The following BCLAF1 variants were observed in gnomAD, a reference collection of about 807,000 sequenced individuals.
BCLAF1 encodes bcl-2-associated transcription factor 1.
A neutral mutation model predicts 99.5 loss-of-function variants in BCLAF1; 10 were observed. The observed-to-expected ratio is 0.10, with a 90% CI of 0.06 to 0.17. The LOEUF is 0.17. Among genes scored for constraint, BCLAF1 ranks in the 10% least tolerant of loss-of-function variants. BCLAF1 has a pLI of 1.00. For missense variants in BCLAF1, 636 were observed against 1,105.8 expected (o/e 0.58, Z 6.02); for synonymous variants, 255 against 370.9 (o/e 0.69, Z 3.59).
chr6:136,286,439 G>A (rs577335077), intron 1 of BCLAF1, among the ~76,000 whole-genome samples: 12 of 152,234 alleles, frequency 7.9e-5, no homozygotes, highest in Middle Eastern at 3.4e-3. Context: ...GACTACTAAT[G>A]GTACTTCCTT....
intron 9 of BCLAF1, 200 bp from the exon 10 acceptor site, chr6:136,268,539 A>G (rs774036418): frequency 1.8e-6 from 1 of 545,770 alleles, no homozygotes; most frequent in Non-Finnish European, 3.2e-6. Flanking sequence ...ATAATGAAAA[A>G]CATGCTAGGG....
chr6:136,269,100 G>A, intron 9 of BCLAF1: 1 of 1,152,232 alleles, frequency 8.7e-7, no homozygotes, highest in South Asian at 1.9e-5. Context: ...GTTATGAGTT[G>A]AAAAAGTGCG....
At position 136,275,984 on chromosome 6, in the gene BCLAF1, G is replaced by T. The variant is rs547078576; in HGVS notation, c.1541C>A (p.Pro514His). 6.2e-7 allele frequency: 1 copy of T among 1,611,922 alleles called. No homozygotes were observed. The highest frequency in any genetic ancestry group is 1.1e-5 in the South Asian group (1 of 90,950). ...KLKDLFDYSP[P>H]LHKNLDAREK... ...TCGTGCATCCAGATTCTTGTGTAGA[G>T]GGGGACTGTAATCAAAGAGGTCTTT... The change falls in exon 5 of 13, where the codon CCT (proline) becomes CAT (histidine). Residue 514 changes from proline to histidine, a missense_variant. Transcript: ENST00000531224.
rs1783667919 is a variant in BCLAF1, at chr6:136,277,927, A to C, written c.954T>G (p.Arg318=). The C allele has an allele frequency of 1.3e-6, 2 of 1,570,618 alleles. No homozygotes were observed. Among genetic ancestry groups the C allele is most frequent in the South Asian group, 2.4e-5 (2 of 82,910 alleles). The stretch of plus-strand genomic sequence containing the variant: ...CTCCACCATCAGGATAAAACGAGGA[A>C]CGGCCCCTAGACTCATCTCTTGGAG... ...QNAPRDESRG[R]SSFYPDGGDQ... Residue 318 remains arginine (R), a synonymous_variant, in exon 4 of 13, where the codon CGT becomes CGG. Coordinates refer to ENST00000531224, the MANE Select transcript of BCLAF1 (RefSeq NM_014739.3).
rs535315450 is a variant in BCLAF1 at position 136,257,717 on chromosome 6, A to G, written c.*3393T>C. On this transcript the variant is annotated 3_prime_UTR_variant, in exon 13 of 13. Coordinates refer to ENST00000531224, the MANE Select transcript of BCLAF1 (RefSeq NM_014739.3). Reference sequence around the variant, plus strand: ...GATTGAGTCTAGCCAAATTAATCCCAATGACAATGAAGTTTATTCCTCCAT... The same window carrying G: ...GATTGAGTCTAGCCAAATTAATCCCGATGACAATGAAGTTTATTCCTCCAT... 6.6e-6 allele frequency: 1 copy of G among 152,206 alleles called. No individual in the cohort carries two copies. The highest frequency in any genetic ancestry group is 2.1e-4 in the South Asian group (1 of 4,824). 9.4% of individuals were successfully genotyped at this position (152,206 alleles called of 1,614,324 possible).
chr6:136,273,908 A>G lies in BCLAF1; in HGVS notation c.1853-721T>C, dbSNP rs1269392767. ...AAAGTCATGAGCTATGAAATGTCAC[A>G]TTATGAAGCAAGCTATCTGCTTAAC... On this transcript the variant is annotated intron_variant, in intron 6 of 12. Coordinates refer to ENST00000531224, the MANE Select transcript of BCLAF1 (RefSeq NM_014739.3). 1.6e-5 allele frequency: 17 copies of G among 1,037,138 alleles called. 1 individual carries two copies. The highest frequency in any genetic ancestry group is 2.0e-5 in the Non-Finnish European group (16 of 820,466). The allele number at this position is 1,037,138 out of a possible 1,614,324, so 64.2% of individuals were successfully genotyped here. A position where few individuals can be genotyped will look rare whatever the true frequency, so the allele number is the denominator to read the frequency against.
chr6:136,278,873 A>T (rs1783959337), intron 3 of BCLAF1, 97 bp from the exon 4 acceptor site: 4 of 1,203,640 alleles, frequency 3.3e-6, no homozygotes, highest in Non-Finnish European at 4.4e-6. Context: ...TAAACAGTAA[A>T]GGCAAAAATA....
At chr6:136,276,608 A>G (rs1783450987) in intron 4 of BCLAF1, 100 bp from the exon 5 acceptor site, 2 of 1,370,062 alleles carry the variant, frequency 1.5e-6, no homozygotes, top group African/African-American at 2.9e-5. Flanking sequence ...GACCAGCAAG[A>G]GAGAAAATAA....
Position 136,256,757 on chromosome 6 carries a change from C to T in BCLAF1, c.*4353G>A, listed in dbSNP as rs1437599722. The T allele has an allele frequency of 1.3e-5, 2 of 153,268 alleles. No homozygotes were observed. The highest frequency in any genetic ancestry group is 1.3e-4 in the Admixed American group (2 of 15,294). 9.5% of individuals were successfully genotyped at this position (153,268 alleles called of 1,614,324 possible). On this transcript the variant is annotated 3_prime_UTR_variant, in exon 13 of 13. Transcript: ENST00000531224. ...TTTTTCACGGCCACCTTACAAGTAT[C>T]CTGAGAACTCAACAGAAAGTTTAGT...
chr6:136,271,967 C>T (rs895884538), intron 8 of BCLAF1, 28 bp downstream of exon 8: 33 of 1,527,058 alleles, frequency 2.2e-5, no homozygotes, highest in African/African-American at 4.1e-5. Context: ...GAACTTAACA[C>T]GAAAAAAAAT....
At chr6:136,268,094 A>G (rs1300709670) in intron 10 of BCLAF1, 68 bp downstream of exon 10, 1 of 1,346,562 alleles carries the variant, frequency 7.4e-7, no homozygotes, top group Non-Finnish European at 9.9e-7. Context: ...CATGTATATG[A>G]CCTTCCTTAT....
Position 136,266,892 on chromosome 6 carries a change from G to C in BCLAF1, c.2544+137C>G, listed in dbSNP as rs74727210. ...CATTTTTCAAAATTTCAAATCGTCTGGGTAATTATTTTAAAAAAGGTTTCC... is the reference window on the plus strand; with the variant it reads ...CATTTTTCAAAATTTCAAATCGTCTCGGTAATTATTTTAAAAAAGGTTTCC... On this transcript the variant is annotated intron_variant, in intron 11 of 12. Coordinates refer to ENST00000531224, the MANE Select transcript of BCLAF1 (RefSeq NM_014739.3). The C allele has an allele frequency of 6.6e-4, 746 of 1,129,660 alleles. 2 individuals are homozygous for C. In the African/African-American group the frequency reaches 0.011, roughly 16 times the overall value. 70.0% of individuals were successfully genotyped at this position (1,129,660 alleles called of 1,614,324 possible).
At chr6:136,265,917 C>A (rs939077251) in intron 11 of BCLAF1, among the ~76,000 whole-genome samples, 5 of 152,108 alleles carry the variant, frequency 3.3e-5, no homozygotes, top group Non-Finnish European at 5.9e-5. Context: ...TACATAAATT[C>A]TTGAACCAAG....
chr6:136,278,926 C>T, intron 3 of BCLAF1, 150 bp from the exon 4 acceptor site: 1 of 776,354 alleles, frequency 1.3e-6, no homozygotes, highest in Non-Finnish European at 1.9e-6. Flanking sequence ...TAATGGTTTC[C>T]AATCAAAAAG....
Position 136,275,599 on chromosome 6 carries a change from T to G in BCLAF1, c.1785A>C (p.Pro595=). The G allele has an allele frequency of 6.3e-7, 1 of 1,595,470 alleles. No homozygotes were observed. Residue 595 remains proline, a synonymous_variant, in exon 6 of 13, where the codon CCA becomes CCC. Transcript: ENST00000531224. ...FRSIFDHIKL[P]QASKSTSESF... Reference sequence around the variant, plus strand: ...ACTCTGAAGTGCTTTTGCTGGCCTGTGGCAACTTAATGTGGTCAAAGATGG... The same window carrying G: ...ACTCTGAAGTGCTTTTGCTGGCCTGGGGCAACTTAATGTGGTCAAAGATGG...
intron 8 of BCLAF1, 137 bp downstream of exon 8, chr6:136,271,858 T>C (rs183460818): frequency 7.1e-5 from 45 of 629,670 alleles, no homozygotes; most frequent in African/African-American, 6.3e-4. Flanking sequence ...AGAAACAGTA[T>C]GTACACTACC....
At chr6:136,267,251 C>A in intron 10 of BCLAF1, 76 bp from the exon 11 acceptor site, 2 of 1,475,376 alleles carry the variant, frequency 1.4e-6, no homozygotes, top group South Asian at 1.2e-5. Flanking sequence ...AATTTTACTG[C>A]AGTAACAAAA....
chr6:136,275,470 C>T (rs1783152721), intron 6 of BCLAF1, 62 bp downstream of exon 6: 1 of 1,399,798 alleles, frequency 7.1e-7, no homozygotes, highest in Non-Finnish European at 9.5e-7. Flanking sequence ...AGCATAATTA[C>T]ACATTTTTTT....
chr6:136,270,839 G>A (rs1216769420), intron 8 of BCLAF1, among the ~76,000 whole-genome samples: 2 of 151,746 alleles, frequency 1.3e-5, no homozygotes, highest in African/African-American at 4.8e-5. Flanking sequence ...GTCAGAGCAC[G>A]AGGACAGACT....
Sources: allele counts gnomAD v4.1 joint callset (sites outside exome capture counted in the v4.1 genomes callset), GRCh38; gene constraint gnomAD v4.1.1; transcripts MANE v1.5; gene names NCBI Gene and HGNC (gene_info 2026-07-23, HGNC 2026-07-21).